The following FAT4 variants were observed in gnomAD, a reference collection of about 807,000 sequenced individuals.
FAT4 encodes FAT atypical cadherin 4, also known as protocadherin Fat 4.
A neutral mutation model predicts 303.9 loss-of-function variants in FAT4; 84 were observed. The observed-to-expected ratio is 0.28, with a 90% CI of 0.23 to 0.33. The LOEUF is 0.33. Ranked by LOEUF, FAT4 falls within the 10% of genes least tolerant of loss-of-function variation. The pLI, the probability that FAT4 is intolerant of heterozygous loss-of-function variation, is 1.00. For synonymous variants in FAT4, 2,307 were observed against 2,298.8 expected (o/e 1.00, Z -0.10); for missense variants, 6,005 against 6,146.8 (o/e 0.98, Z 0.77).
intron 2 of FAT4, chr4:125,394,116 A>T (rs1734077502): frequency 3.2e-6 from 2 of 615,522 alleles, no homozygotes; most frequent in Non-Finnish European, 6.0e-6. Context: ...TTTGGTAGGC[A>T]TGCAGAAAAC....
rs1251999494 is a variant in FAT4, at chr4:125,318,566, G to T, written c.2155G>T (p.Gly719Cys). The change falls in exon 2 of 18, where the codon GGT becomes TGT. Residue 719 changes from glycine (G) to cysteine (C), a missense_variant. Physicochemically the swap from Gly to Cys is radical, Grantham distance 159 (BLOSUM62 -3). Transcript: ENST00000394329. ...TTVSATDPDL[G>C]TNGTVKYSIS... ...TGTGTCTGCCACTGACCCAGACTTGGGTACCAATGGTACTGTCAAATATAG... is the reference window on the plus strand; with the variant it reads ...TGTGTCTGCCACTGACCCAGACTTGTGTACCAATGGTACTGTCAAATATAG... 2 of 1,614,020 alleles carry T rather than the reference G, an allele frequency of 1.2e-6. No homozygotes were observed. The highest frequency in any genetic ancestry group is 2.7e-5 in the African/African-American group (2 of 74,902).
intron 8 of FAT4, among the ~76,000 whole-genome samples, chr4:125,436,655 C>T (rs751269544): frequency 2.0e-5 from 3 of 151,962 alleles, no homozygotes; most frequent in Admixed American, 6.6e-5. Context: ...AAATCATGGC[C>T]GAAGGTGAGG....
chr4:125,454,044 T>G (rs1002492842), intron 10 of FAT4, among the ~76,000 whole-genome samples: 1 of 152,206 alleles, frequency 6.6e-6, no homozygotes, highest in Non-Finnish European at 1.5e-5. Flanking sequence ...ATCTTATAAC[T>G]TGCACATTAT....
At chr4:125,428,487 G>T (rs1402445007) in intron 7 of FAT4, among the ~76,000 whole-genome samples, 1 of 152,108 alleles carries the variant, frequency 6.6e-6, no homozygotes, top group Non-Finnish European at 1.5e-5. Flanking sequence ...ATTAACCTGT[G>T]CACAGTCTCT....
chr4:125,471,236 C>T (rs1726845516), intron 12 of FAT4, among the ~76,000 whole-genome samples: 1 of 152,150 alleles, frequency 6.6e-6, no homozygotes, highest in Admixed American at 6.5e-5. Context: ...ATCACCATAC[C>T]ACATAAAATA....
At chr4:125,474,373 A>G (rs1428233794) in intron 12 of FAT4, among the ~76,000 whole-genome samples, 1 of 152,022 alleles carries the variant, frequency 6.6e-6, no homozygotes, top group Non-Finnish European at 1.5e-5. Flanking sequence ...TTGAATTATA[A>G]AAACCTAATA....
intron 2 of FAT4, among the ~76,000 whole-genome samples, chr4:125,339,229 T>C (rs1731682942): frequency 1.3e-5 from 2 of 152,108 alleles, no homozygotes; most frequent in Admixed American, 1.3e-4. Context: ...AGTGGCACGA[T>C]CTTGGCTCAT....
intron 7 of FAT4, among the ~76,000 whole-genome samples, chr4:125,422,360 C>T (rs551792625): frequency 2.6e-5 from 4 of 152,248 alleles, no homozygotes; most frequent in African/African-American, 7.2e-5. Context: ...TCCACCAAAT[C>T]GCATCTTGAA....
chr4:125,329,280 T>C (rs994568046), intron 2 of FAT4, among the ~76,000 whole-genome samples: 1 of 152,216 alleles, frequency 6.6e-6, no homozygotes, highest in African/African-American at 2.4e-5. Flanking sequence ...CCAGTGAAAT[T>C]GCTCTTACTG....
intron 8 of FAT4, among the ~76,000 whole-genome samples, chr4:125,436,599 A>G (rs1379324006): frequency 6.6e-6 from 1 of 152,172 alleles, no homozygotes; most frequent in Non-Finnish European, 1.5e-5. Flanking sequence ...ATAAAGAAAA[A>G]GAAGTTTAAT....
At chr4:125,328,587 G>T (rs1044526932) in intron 2 of FAT4, among the ~76,000 whole-genome samples, 1 of 152,166 alleles carries the variant, frequency 6.6e-6, no homozygotes, top group African/African-American at 2.4e-5. Context: ...CATTTTTGAT[G>T]ATTGTTACAG....
chr4:125,338,259 C>T (rs999981161), intron 2 of FAT4, among the ~76,000 whole-genome samples: 3 of 152,040 alleles, frequency 2.0e-5, no homozygotes, highest in African/African-American at 7.2e-5. Flanking sequence ...CTGCCATTTG[C>T]CTGGATGTAT....
At position 125,320,339 on chromosome 4, in the gene FAT4, G is replaced by C. The variant is rs1402966721; in HGVS notation, c.3928G>C (p.Asp1310His). ...AAATATTGATATTTTAGATGAAAAT[G>C]ACAATACCCCTTCTTTCCCTAAATC... Reference protein sequence around the residue: ...TLNIDILDENDNTPSFPKSTL... With the variant: ...TLNIDILDENHNTPSFPKSTL... The change falls in exon 2 of 18, where the codon GAC becomes CAC. Residue 1310 changes from aspartate to histidine, a missense_variant. Asp to His is a moderately conservative substitution (Grantham distance 81). Coordinates refer to ENST00000394329, the MANE Select transcript of FAT4 (RefSeq NM_001291303.3). The C allele has an allele frequency of 6.2e-7, 1 of 1,613,318 alleles. No individual in the cohort carries two copies. The highest frequency in any genetic ancestry group is 1.7e-5 in the Admixed American group (1 of 60,008).
intron 2 of FAT4, among the ~76,000 whole-genome samples, chr4:125,374,132 G>T (rs929461146): frequency 2.6e-5 from 4 of 152,072 alleles, no homozygotes; most frequent in African/African-American, 9.7e-5. Context: ...ACAGTCTGCC[G>T]GTTCTAAAGT....
Position 125,395,868 on chromosome 4 carries a change from T to C in FAT4, c.5176-2916T>C, listed in dbSNP as rs72912867. ...TCTACTAAAGCAAAAAGAAAGACTT[T>C]TCCGTATTTGAAATGACCAAAATCT... On this transcript the variant is annotated intron_variant, in intron 2 of 17. Coordinates refer to ENST00000394329, the MANE Select transcript of FAT4 (RefSeq NM_001291303.3). Among the ~76,000 whole-genome samples the C allele has an allele frequency of 9.2e-3, 1,400 of 152,248 alleles. 27 individuals are homozygous for C. Among genetic ancestry groups the C allele is most frequent in the African/African-American group, 0.032 (1,325 of 41,562 alleles).
chr4:125,358,110 C>CT, intron 2 of FAT4, among the ~76,000 whole-genome samples: 1 of 152,110 alleles, frequency 6.6e-6, no homozygotes, highest in African/African-American at 2.4e-5. Flanking sequence ...TGAAATTAAC[C>CT]TTTTTTTCTT....
At chr4:125,385,660 T>A (rs545825257) in intron 2 of FAT4, among the ~76,000 whole-genome samples, 6 of 152,238 alleles carry the variant, frequency 3.9e-5, no homozygotes, top group African/African-American at 1.4e-4. Flanking sequence ...TATTATTTCA[T>A]GGAGATGGTT....
rs1725835452 is a variant in FAT4 at position 125,446,521 on chromosome 4, C to T, written c.7428C>T (p.His2476=). 2 of 1,611,878 alleles carry T rather than the reference C, an allele frequency of 1.2e-6. No individual in the cohort carries two copies. The highest frequency in any genetic ancestry group is 1.3e-5 in the African/African-American group (1 of 74,966). The change falls in exon 9 of 18, where the codon CAC becomes CAT. Residue 2476 remains histidine, a synonymous_variant. Coordinates refer to ENST00000394329, the MANE Select transcript of FAT4 (RefSeq NM_001291303.3). ...TTCAGCATCACCCATATGTCACTCA[C>T]ATCCCATCTCCTACTCTTCCAGGTA... ...PRFQHHPYVT[H]IPSPTLPGSF...
intron 2 of FAT4, among the ~76,000 whole-genome samples, chr4:125,385,477 G>A (rs1037240473): frequency 6.6e-6 from 1 of 152,124 alleles, no homozygotes; most frequent in African/African-American, 2.4e-5. Flanking sequence ...GAGTGATGAA[G>A]TGTCATCTGT....
Sources: allele counts gnomAD v4.1 joint callset (sites outside exome capture counted in the v4.1 genomes callset), GRCh38; gene constraint gnomAD v4.1.1; transcripts MANE v1.5; gene names NCBI Gene and HGNC (gene_info 2026-07-23, HGNC 2026-07-21).